The following VAV1 variants were observed in gnomAD, a reference collection of about 807,000 sequenced individuals.
VAV1 encodes proto-oncogene vav.
In VAV1, 33 loss-of-function variants were observed where a neutral mutation model predicts 128.1. That is an observed-to-expected ratio of 0.26 (90% CI 0.20 to 0.34). The LOEUF (loss-of-function observed/expected upper bound fraction) is 0.34, where lower values mean the gene tolerates loss of function less well. Ranked by LOEUF, VAV1 falls within the 10% of genes least tolerant of loss-of-function variation. The probability of loss-of-function intolerance (pLI) is 1.00; values close to 1 mark genes in which losing one functional copy is unlikely to be tolerated. For missense variants in VAV1, 715 were observed against 1,093.7 expected, an observed-to-expected ratio of 0.65 and a Z score of 4.88; for synonymous variants, 394 against 409.8, an observed-to-expected ratio of 0.96 and a Z score of 0.47.
chr19:6,834,624 A>G (rs547904798), intron 19 of VAV1, among the ~76,000 whole-genome samples: 1 of 146,666 alleles, frequency 6.8e-6, no homozygotes, highest in Admixed American at 6.9e-5. Flanking sequence ...AATATTAATT[A>G]ATATAATATA....
At chr19:6,812,552 C>T (rs143903552) in intron 1 of VAV1, among the ~76,000 whole-genome samples, 12 of 151,968 alleles carry the variant, frequency 7.9e-5, no homozygotes, top group Admixed American at 4.6e-4. Context: ...CCCAGCTGTT[C>T]GAGAGGCTGA....
intron 22 of VAV1, among the ~76,000 whole-genome samples, chr19:6,844,905 C>T (rs1247372141): frequency 6.6e-6 from 1 of 151,884 alleles, no homozygotes; most frequent in Non-Finnish European, 1.5e-5. Context: ...AATACCAAAA[C>T]TGTAACTAAA....
intron 1 of VAV1, among the ~76,000 whole-genome samples, chr19:6,818,463 T>C (rs1971710466): frequency 6.6e-6 from 1 of 152,190 alleles, no homozygotes. Flanking sequence ...CTCCTTGCTG[T>C]TCCTCCAACA....
intron 1 of VAV1, among the ~76,000 whole-genome samples, chr19:6,774,350 G>C (rs139972688): frequency 0.019 from 2,879 of 148,730 alleles, 92 homozygotes; most frequent in African/African-American, 0.065. Context: ...GGATGGTCTC[G>C]ATCTCCCGAC....
chr19:6,804,135 A>G (rs1485118793), intron 1 of VAV1, among the ~76,000 whole-genome samples: 2 of 151,988 alleles, frequency 1.3e-5, no homozygotes. Flanking sequence ...ACTCTCTATG[A>G]CACTATAATA....
At chr19:6,833,488 A>G (rs1972140029) in intron 16 of VAV1, 40 bp from the exon 17 acceptor site, 1 of 1,549,228 alleles carries the variant, frequency 6.5e-7, no homozygotes, top group Non-Finnish European at 8.7e-7. Context: ...CCTGTCTGTA[A>G]AGGTCACTCG....
At chr19:6,802,472 A>G (rs1285393833) in intron 1 of VAV1, among the ~76,000 whole-genome samples, 1 of 151,914 alleles carries the variant, frequency 6.6e-6, no homozygotes, top group South Asian at 2.1e-4. Flanking sequence ...CCCTTTCTTT[A>G]GCTGGCCCCA....
intron 1 of VAV1, among the ~76,000 whole-genome samples, chr19:6,784,686 G>GT (rs1970847316): frequency 6.6e-6 from 1 of 151,980 alleles, no homozygotes; most frequent in Non-Finnish European, 1.5e-5. Context: ...TAGAGACGGG[G>GT]TTTCACCATG....
intron 1 of VAV1, among the ~76,000 whole-genome samples, chr19:6,785,319 A>G (rs1317923572): frequency 6.6e-6 from 1 of 151,818 alleles, no homozygotes; most frequent in Non-Finnish European, 1.5e-5. Context: ...TACAGACATG[A>G]GCCACTTCAC....
At chr19:6,811,256 G>A (rs1034987084) in intron 1 of VAV1, among the ~76,000 whole-genome samples, 4 of 152,100 alleles carry the variant, frequency 2.6e-5, no homozygotes, top group Non-Finnish European at 5.9e-5. Flanking sequence ...GGCTGGTCTC[G>A]AACTCCTGAC....
chr19:6,814,609 ACTTT>A (rs149788030), intron 1 of VAV1, among the ~76,000 whole-genome samples: 1,586 of 149,982 alleles, frequency 0.011, 31 homozygotes, highest in African/African-American at 0.033. Flanking sequence ...TGCAAAAATG[ACTTT>A]CTTTCTTTCT....
intron 1 of VAV1, among the ~76,000 whole-genome samples, chr19:6,795,136 A>G (rs2617815): frequency 0.22 from 33,519 of 151,982 alleles, 3,925 homozygotes; most frequent in African/African-American, 0.3. Context: ...TGTCACTTAC[A>G]GCAGTTTTCG....
At chr19:6,815,584 A>C (rs1329923938) in intron 1 of VAV1, among the ~76,000 whole-genome samples, 2 of 152,230 alleles carry the variant, frequency 1.3e-5, no homozygotes, top group African/African-American at 4.8e-5. Flanking sequence ...AAGATGATAC[A>C]TTCTGCAAAT....
chr19:6,817,302 A>G (rs184474368), intron 1 of VAV1, among the ~76,000 whole-genome samples: 5 of 151,570 alleles, frequency 3.3e-5, no homozygotes, highest in African/African-American at 1.2e-4. Context: ...GACCTCAAGT[A>G]ATCTGCCTGC....
At chr19:6,851,063 T>C (rs1294889033) in intron 24 of VAV1, among the ~76,000 whole-genome samples, 2 of 152,042 alleles carry the variant, frequency 1.3e-5, no homozygotes, top group Non-Finnish European at 2.9e-5. Flanking sequence ...TACATATGTA[T>C]GTATGTGTAT....
At chr19:6,801,419 T>C (rs1269773423) in intron 1 of VAV1, among the ~76,000 whole-genome samples, 2 of 151,990 alleles carry the variant, frequency 1.3e-5, no homozygotes, top group Admixed American at 6.6e-5. Flanking sequence ...GTGGAGTGTG[T>C]GCTGGGGTGG....
intron 1 of VAV1, among the ~76,000 whole-genome samples, chr19:6,774,142 T>A (rs918421496): frequency 5.9e-5 from 9 of 151,878 alleles, no homozygotes; most frequent in Admixed American, 3.3e-4. Context: ...TTATTTATTT[T>A]TTTGAGACGG....
intron 13 of VAV1, among the ~76,000 whole-genome samples, chr19:6,829,220 G>T (rs559267727): frequency 6.6e-6 from 1 of 150,468 alleles, no homozygotes; most frequent in African/African-American, 2.4e-5. Flanking sequence ...TGGGCAAGGT[G>T]GGGGCCAGGC....
intron 1 of VAV1, among the ~76,000 whole-genome samples, chr19:6,814,375 G>A (rs115608511): frequency 1.3e-5 from 2 of 152,056 alleles, no homozygotes; most frequent in East Asian, 1.9e-4. Flanking sequence ...CTCTTGCTCC[G>A]GAAGCAACCA....
Sources: allele counts gnomAD v4.1 joint callset (sites outside exome capture counted in the v4.1 genomes callset), GRCh38; gene constraint gnomAD v4.1.1; transcripts MANE v1.5; gene names NCBI Gene and HGNC (gene_info 2026-07-23, HGNC 2026-07-21).